SERPINI1: variants seen among roughly 807,000 people sequenced by gnomAD.
SERPINI1 encodes serpin family I member 1.
A neutral mutation model predicts 41.1 loss-of-function variants in SERPINI1; 19 were observed. The ratio of observed to expected loss-of-function variants is 0.46; its 90% CI spans 0.32 to 0.68. SERPINI1 has a LOEUF of 0.68. Ranked by LOEUF, SERPINI1 falls within the 30% of genes least tolerant of loss-of-function variation. The probability of loss-of-function intolerance (pLI) is 0.03; values close to 1 mark genes in which losing one functional copy is unlikely to be tolerated. For missense variants in SERPINI1, 460 were observed against 479.2 expected (o/e 0.96, Z 0.37); for synonymous variants, 138 against 156.6 (o/e 0.88, Z 0.89).
intron 6 of SERPINI1, among the ~76,000 whole-genome samples, chr3:167,808,718 T>C (rs974644752): frequency 2.6e-5 from 4 of 152,190 alleles, no homozygotes; most frequent in Non-Finnish European, 5.9e-5. Context: ...TGAGGGCCCA[T>C]AGACTGAATT....
intron 6 of SERPINI1, among the ~76,000 whole-genome samples, chr3:167,812,931 A>G (rs1336050609): frequency 6.6e-6 from 1 of 152,196 alleles, no homozygotes; most frequent in Non-Finnish European, 1.5e-5. Context: ...ATGGAAATGG[A>G]TGACTGTCAG....
Position 167,792,612 on chromosome 3 carries a change from C to A in SERPINI1, c.504C>A (p.Ser168=). 6.2e-7 allele frequency: 1 copy of A among 1,613,120 alleles called. No individual in the cohort carries two copies. The highest frequency in any genetic ancestry group is 8.5e-7 in the Non-Finnish European group (1 of 1,179,702). The change falls in exon 4 of 9, where the codon TCC becomes TCA. Residue 168 remains serine, a synonymous_variant. Transcript: ENST00000446050. ...NTNNLVKDLV[S]PRDFDAATYL... ...TAGATCTGGTGAAAGATTTGGTATCCCCAAGGGATTTTGATGCTGCCACTT... is the reference window on the plus strand; with the variant it reads ...TAGATCTGGTGAAAGATTTGGTATCACCAAGGGATTTTGATGCTGCCACTT...
chr3:167,790,174 T>A lies in SERPINI1; in HGVS notation c.251-198T>A, dbSNP rs9836907. ...TAAAAAATAATATCAGTAGATGATATTAACTTGCAAAAAGTTAATTTGAGC... is the reference window on the plus strand; with the variant it reads ...TAAAAAATAATATCAGTAGATGATAATAACTTGCAAAAAGTTAATTTGAGC... On this transcript the variant is annotated intron_variant, in intron 2 of 8. Transcript: ENST00000446050. 0.29 allele frequency among the ~76,000 whole-genome samples: 43,438 copies of A among 152,014 alleles called. 6,514 individuals are homozygous for A. Among genetic ancestry groups the A allele is most frequent in the Non-Finnish European group, 0.31 (21,352 of 67,940 alleles).
chr3:167,768,273 G>T (rs1726630144), intron 1 of SERPINI1, among the ~76,000 whole-genome samples: 1 of 152,152 alleles, frequency 6.6e-6, no homozygotes, highest in Non-Finnish European at 1.5e-5. Context: ...ATGATCATTA[G>T]CATTTTTCAG....
At chr3:167,792,486 GT>G in intron 3 of SERPINI1, 103 bp from the exon 4 acceptor site, 1 of 892,292 alleles carries the variant, frequency 1.1e-6, no homozygotes, top group Non-Finnish European at 1.7e-6. Context: ...TTGGTGTACA[GT>G]TTCTCTGGAC....
At chr3:167,817,627 A>C (rs7649263) in intron 6 of SERPINI1, among the ~76,000 whole-genome samples, 45,911 of 151,446 alleles carry the variant, frequency 0.3, 8,787 homozygotes, top group African/African-American at 0.55. Flanking sequence ...AGACAGAGTC[A>C]TGCACTGTCG....
At position 167,789,212 on chromosome 3, in the gene SERPINI1, C is replaced by T. The variant is rs2108556255; in HGVS notation, c.84C>T (p.Asp28=). 6.2e-7 allele frequency: 1 copy of T among 1,614,166 alleles called. No individual in the cohort carries two copies. Among genetic ancestry groups the T allele is most frequent in the Non-Finnish European group, 8.5e-7 (1 of 1,180,012 alleles). The part of the protein sequence containing the change: ...GATFPEEAIA[D]LSVNMYNRLR... ...CTTTCCCTGAGGAAGCCATTGCTGA[C>T]TTGTCAGTGAATATGTATAATCGTC... The change falls in exon 2 of 9, where the codon GAC becomes GAT. Residue 28 remains aspartate, a synonymous_variant. Coordinates refer to ENST00000446050, the MANE Select transcript of SERPINI1 (RefSeq NM_001122752.2).
At chr3:167,747,193 G>A (rs900586059) in intron 1 of SERPINI1, among the ~76,000 whole-genome samples, 1 of 152,156 alleles carries the variant, frequency 6.6e-6, no homozygotes, top group Non-Finnish European at 1.5e-5. Context: ...GAAATATCTA[G>A]AATAGGCAAA....
rs1712477543 is a variant in SERPINI1 at position 167,825,252 on chromosome 3, A to G, written c.1162A>G (p.Ile388Val). Residue 388 changes from isoleucine to valine, a missense_variant, in exon 9 of 9, where the codon ATT becomes GTT. Transcript: ENST00000446050. ...FLIRNRRTGT[I>V]LFMGRVMHPE... ...TTACTTCTGAACCAATACAGGTACA[A>G]TTCTATTCATGGGACGAGTCATGCA... 3.1e-6 allele frequency: 5 copies of G among 1,610,758 alleles called. No homozygotes were observed. The South Asian group carries it at 5.5e-5, about 18-fold the overall frequency.
intron 1 of SERPINI1, among the ~76,000 whole-genome samples, chr3:167,747,382 A>C (rs1231780536): frequency 1.3e-5 from 2 of 152,106 alleles, no homozygotes; most frequent in South Asian, 2.1e-4. Context: ...CGGTGGCTCA[A>C]GCCTGTAATC....
intron 1 of SERPINI1, among the ~76,000 whole-genome samples, chr3:167,736,795 A>G (rs1397453354): frequency 6.6e-6 from 1 of 152,206 alleles, no homozygotes; most frequent in African/African-American, 2.4e-5. Flanking sequence ...GTAAAGATGA[A>G]AGTCTCACCT....
intron 5 of SERPINI1, among the ~76,000 whole-genome samples, chr3:167,798,703 C>T (rs570758798): frequency 3.3e-5 from 5 of 152,160 alleles, no homozygotes; most frequent in Admixed American, 3.3e-4. Flanking sequence ...TCCTATTTTG[C>T]TAGAATTTAT....
At chr3:167,781,589 A>G (rs1167820777) in intron 1 of SERPINI1, among the ~76,000 whole-genome samples, 3 of 146,142 alleles carry the variant, frequency 2.1e-5, no homozygotes, top group African/African-American at 7.6e-5. Flanking sequence ...CTTCTAATAC[A>G]GTGTTCTTTT....
intron 6 of SERPINI1, among the ~76,000 whole-genome samples, chr3:167,820,644 G>T (rs146095487): frequency 1.3e-5 from 2 of 152,210 alleles, no homozygotes; most frequent in Non-Finnish European, 2.9e-5. Context: ...AGGCCAAGAG[G>T]GGGCTAAAGG....
chr3:167,803,553 G>A (rs9858935), intron 5 of SERPINI1, among the ~76,000 whole-genome samples: 77,559 of 151,856 alleles, frequency 0.51, 20,907 homozygotes, highest in African/African-American at 0.62. Flanking sequence ...TTCCAACAAT[G>A]CTATGAAATA....
At position 167,807,471 on chromosome 3, in the gene SERPINI1, A is replaced by C. The variant is rs544347441; in HGVS notation, c.979+130A>C. 3.3e-5 allele frequency: 21 copies of C among 645,074 alleles called. No homozygotes were observed. In the African/African-American group the frequency reaches 3.8e-4, roughly 12 times the overall value. 40.0% of individuals were successfully genotyped at this position (645,074 alleles called of 1,614,324 possible). A position where few individuals can be genotyped will look rare whatever the true frequency, so the allele number is the denominator to read the frequency against. ...TTACCACTTGCCAAATAAATCTAGC[A>C]TGAAATACATTTAACCTCTACAAGC... On this transcript the variant is annotated intron_variant, in intron 6 of 8. Transcript: ENST00000446050.
At chr3:167,754,532 A>G (rs745885350) in intron 1 of SERPINI1, among the ~76,000 whole-genome samples, 5 of 152,206 alleles carry the variant, frequency 3.3e-5, no homozygotes, top group Non-Finnish European at 2.9e-5. Flanking sequence ...TCTAAATGTC[A>G]ACAAAGAATA....
intron 3 of SERPINI1, among the ~76,000 whole-genome samples, chr3:167,791,253 A>G (rs3804614): frequency 0.13 from 19,222 of 152,132 alleles, 1,455 homozygotes; most frequent in African/African-American, 0.21. Flanking sequence ...TAAAATTGAG[A>G]CTAAATTAAA....
rs1342021154 is a variant in SERPINI1, at chr3:167,772,889, TATATACACACACAC to T, written c.-18-16220_-18-16207del. Among the ~76,000 whole-genome samples, 2 of 77,154 alleles carry T rather than the reference TATATACACACACAC, an allele frequency of 2.6e-5. 1 individual carries two copies. Among genetic ancestry groups the T allele is most frequent in the African/African-American group, 1.2e-4 (2 of 16,452 alleles). 50.6% of individuals were successfully genotyped at this position (77,154 alleles called of 152,430 possible). A position where few individuals can be genotyped will look rare whatever the true frequency, so the allele number is the denominator to read the frequency against. ...CTATATATATATATATATATATATA[TATATACACACACAC>T]ACACACACACACACACACATGCATA... On this transcript the variant is annotated intron_variant, in intron 1 of 8. Coordinates refer to ENST00000446050, the MANE Select transcript of SERPINI1 (RefSeq NM_001122752.2).
Sources: gnomAD v4.1 joint callset for allele counts (sites outside exome capture counted in the v4.1 genomes callset) on GRCh38, gnomAD v4.1.1 for gene constraint, MANE v1.5 for transcripts, NCBI Gene and HGNC (gene_info 2026-07-23, HGNC 2026-07-21) for gene names.